The following CGNL1 variants were observed in gnomAD, a reference collection of about 807,000 sequenced individuals.
The protein encoded by CGNL1 is cingulin-like protein 1.
CGNL1 carries 132 observed loss-of-function variants against 141.2 expected under a neutral mutation model. That is an observed-to-expected ratio of 0.93 (90% CI 0.81 to 1.08). CGNL1 has a LOEUF of 1.08. CGNL1 is among the 50% of genes least tolerant of loss of function. The pLI is 0.00. For synonymous variants in CGNL1, 690 were observed against 622.1 expected (o/e 1.11, Z -1.63); for missense variants, 1,870 against 1,588.6 (o/e 1.18, Z -3.01).
At chr15:57,494,326 G>C (rs1398890000) in intron 8 of CGNL1, among the ~76,000 whole-genome samples, 1 of 152,142 alleles carries the variant, frequency 6.6e-6, no homozygotes, top group Non-Finnish European at 1.5e-5. Context: ...GTTTATGATG[G>C]AAGTACAGAG....
chr15:57,545,302 T>A (rs2032796106), intron 16 of CGNL1, among the ~76,000 whole-genome samples: 1 of 152,236 alleles, frequency 6.6e-6, no homozygotes, highest in Admixed American at 6.5e-5. Context: ...ATCTGCAGTT[T>A]GTGACTTCTT....
At chr15:57,430,375 A>G (rs1268403836) in intron 1 of CGNL1, among the ~76,000 whole-genome samples, 1 of 152,136 alleles carries the variant, frequency 6.6e-6, no homozygotes, top group Non-Finnish European at 1.5e-5. Flanking sequence ...TTTAAGCCTC[A>G]AGAGGTGAAA....
chr15:57,540,202 A>G (rs1214532270), intron 14 of CGNL1, among the ~76,000 whole-genome samples: 3 of 151,806 alleles, frequency 2.0e-5, no homozygotes, highest in Admixed American at 6.6e-5. Context: ...TGCATTCCCT[A>G]CCCTGCCCAT....
chr15:57,531,881 A>G (rs1279852021), intron 14 of CGNL1, 102 bp downstream of exon 14: 6 of 723,208 alleles, frequency 8.3e-6, no homozygotes, highest in South Asian at 1.7e-5. Flanking sequence ...AGAAAAATTC[A>G]TGCCATCTAG....
intron 1 of CGNL1, among the ~76,000 whole-genome samples, chr15:57,382,242 G>T (rs1249153357): frequency 6.6e-6 from 1 of 152,164 alleles, no homozygotes; most frequent in East Asian, 1.9e-4. Context: ...TTTAAAAAAG[G>T]GCTAGTGAAT....
Position 57,438,530 on chromosome 15 carries a change from G to A in CGNL1, c.531G>A (p.Thr177=), listed in dbSNP as rs376546940. ...HQPSESNWLK[T]LTEEGINNKK... ...CTTCTGAGAGTAATTGGCTAAAAAC[G>A]TTGACAGAAGAAGGCATCAACAATA... The change falls in exon 2 of 19, where the codon ACG becomes ACA. Residue 177 remains threonine, a synonymous_variant. Coordinates refer to ENST00000281282, the MANE Select transcript of CGNL1 (RefSeq NM_032866.5). The A allele has an allele frequency of 2.5e-6, 4 of 1,614,002 alleles. No individual in the cohort carries two copies. The highest frequency in any genetic ancestry group is 3.4e-6 in the Non-Finnish European group (4 of 1,180,032).
chr15:57,447,362 G>A (rs991742586), intron 4 of CGNL1, among the ~76,000 whole-genome samples: 1 of 152,158 alleles, frequency 6.6e-6, no homozygotes, highest in African/African-American at 2.4e-5. Context: ...GGCATTGTTT[G>A]AGAATAGCTG....
At chr15:57,495,744 A>G (rs2063928886) in intron 8 of CGNL1, among the ~76,000 whole-genome samples, 1 of 152,230 alleles carries the variant, frequency 6.6e-6, no homozygotes, top group African/African-American at 2.4e-5. Flanking sequence ...GGTGTTTCAC[A>G]TGACTTGGAG....
At chr15:57,527,572 C>G (rs1316539272) in intron 12 of CGNL1, 1 of 152,244 alleles carries the variant, frequency 6.6e-6, no homozygotes, top group Non-Finnish European at 1.5e-5. Flanking sequence ...CCTACTGTGC[C>G]CTGAGCTGGC....
At chr15:57,381,600 CGA>C (rs774336192) in intron 1 of CGNL1, among the ~76,000 whole-genome samples, 5 of 152,048 alleles carry the variant, frequency 3.3e-5, no homozygotes, top group Non-Finnish European at 4.4e-5. Flanking sequence ...AGTTGAAGTT[CGA>C]GAGTACTCTG....
chr15:57,506,736 C>G (rs1339263680), intron 8 of CGNL1, among the ~76,000 whole-genome samples: 2 of 152,158 alleles, frequency 1.3e-5, no homozygotes, highest in Non-Finnish European at 2.9e-5. Context: ...GTTGTCTACC[C>G]AACCTTAATG....
intron 4 of CGNL1, among the ~76,000 whole-genome samples, chr15:57,449,021 A>G (rs1162192894): frequency 6.6e-6 from 1 of 152,198 alleles, no homozygotes; most frequent in Non-Finnish European, 1.5e-5. Context: ...CTTACTCTTA[A>G]GACATGACCC....
At chr15:57,494,597 ATCCCATGAACTT>A (rs544917513) in intron 8 of CGNL1, among the ~76,000 whole-genome samples, 2 of 152,206 alleles carry the variant, frequency 1.3e-5, no homozygotes, top group Non-Finnish European at 2.9e-5. Context: ...AATCGGCCCA[ATCCCATGAACTT>A]TCTGTTCTTT....
intron 7 of CGNL1, among the ~76,000 whole-genome samples, chr15:57,458,539 A>G (rs1414785034): frequency 6.6e-6 from 1 of 152,226 alleles, no homozygotes; most frequent in African/African-American, 2.4e-5. Context: ...AACACAAAAC[A>G]TAGAGATATG....
At chr15:57,463,446 C>T (rs1276853641) in intron 8 of CGNL1, among the ~76,000 whole-genome samples, 19 of 152,168 alleles carry the variant, frequency 1.2e-4, no homozygotes, top group Admixed American at 1.1e-3. Flanking sequence ...ACTACATTGA[C>T]CCATATCAGT....
intron 14 of CGNL1, among the ~76,000 whole-genome samples, chr15:57,541,185 CAG>C (rs1462895179): frequency 2.0e-5 from 3 of 152,244 alleles, no homozygotes; most frequent in Non-Finnish European, 2.9e-5. Context: ...GAGGGACAGA[CAG>C]AGCCAGCAGG....
rs143918846 is a variant in CGNL1 at position 57,439,811 on chromosome 15, T to C, written c.1602+210T>C. Among the ~76,000 whole-genome samples, 224 of 152,344 alleles carry C rather than the reference T, an allele frequency of 1.5e-3. 1 individual carries two copies. Among genetic ancestry groups the C allele is most frequent in the African/African-American group, 5.0e-3 (209 of 41,588 alleles). On this transcript the variant is annotated intron_variant, in intron 2 of 18. Transcript: ENST00000281282. The stretch of plus-strand genomic sequence containing the variant: ...TTTTCTGGGTTCTTTGAAGTTCAGC[T>C]GGATTCCCATTGTGATCTCTCTGTA...
chr15:57,513,992 T>C (rs2030558776), intron 8 of CGNL1, among the ~76,000 whole-genome samples: 1 of 152,202 alleles, frequency 6.6e-6, no homozygotes, highest in Non-Finnish European at 1.5e-5. Context: ...CTCTCCCCAA[T>C]ACTTGTTATT....
At chr15:57,425,722 C>T (rs1416768369) in intron 1 of CGNL1, among the ~76,000 whole-genome samples, 2 of 128,008 alleles carry the variant, frequency 1.6e-5, no homozygotes, top group Admixed American at 9.1e-5. Context: ...GCCTGGGTGA[C>T]AGAGCAAGAG....
Sources: gnomAD v4.1 joint callset for allele counts (sites outside exome capture counted in the v4.1 genomes callset) on GRCh38, gnomAD v4.1.1 for gene constraint, MANE v1.5 for transcripts, NCBI Gene and HGNC (gene_info 2026-07-23, HGNC 2026-07-21) for gene names.